PUS7: variants seen among roughly 807,000 people sequenced by gnomAD.
The protein encoded by PUS7 is pseudouridylate synthase 7 homolog.
A neutral mutation model predicts 79.8 loss-of-function variants in PUS7; 48 were observed. That is an observed-to-expected ratio of 0.60 (90% CI 0.48 to 0.76). The LOEUF (loss-of-function observed/expected upper bound fraction) is 0.76, where lower values mean the gene tolerates loss of function less well. PUS7 is among the 30% of genes least tolerant of loss of function. The probability of loss-of-function intolerance (pLI) is 0.00; values close to 1 mark genes in which losing one functional copy is unlikely to be tolerated. For missense variants in PUS7, 729 were observed against 797.6 expected, an observed-to-expected ratio of 0.91 and a Z score of 1.04; for synonymous variants, 286 against 272.2, an observed-to-expected ratio of 1.05 and a Z score of -0.50.
intron 5 of PUS7, among the ~76,000 whole-genome samples, chr7:105,501,782 C>T (rs1158121759): frequency 2.0e-5 from 3 of 151,866 alleles, no homozygotes; most frequent in East Asian, 1.9e-4. Context: ...GGTGAAACCC[C>T]GTCTCTACTA....
At chr7:105,485,731 ATGTATC>A (rs1489179085) in intron 7 of PUS7, among the ~76,000 whole-genome samples, 1 of 152,228 alleles carries the variant, frequency 6.6e-6, no homozygotes, top group Non-Finnish European at 1.5e-5. Flanking sequence ...AAATCCTTGG[ATGTATC>A]TGGGTCTAGG....
At position 105,522,191 on chromosome 7, in the gene PUS7, G is replaced by C. The variant is rs151235380; in HGVS notation, c.-172C>G. The C allele has an allele frequency of 0.14, 20,823 of 152,022 alleles. 1,842 individuals are homozygous for C. Among genetic ancestry groups the C allele is most frequent in the South Asian group, 0.26 (1,245 of 4,830 alleles). The allele number at this position is 152,022 out of a possible 1,614,324, so 9.4% of individuals were successfully genotyped here. On this transcript the variant is annotated 5_prime_UTR_variant, in exon 1 of 16. Transcript: ENST00000469408. ...CAGGCAAAAGCAGCGCTTTCCGCGC[G>C]GAGGACCAGATGCGCTCCAGCCGAC...
chr7:105,502,703 CTTTTAT>C, intron 4 of PUS7, 139 bp from the exon 5 acceptor site: 7 of 1,000,080 alleles, frequency 7.0e-6, no homozygotes, highest in Non-Finnish European at 1.0e-5. Flanking sequence ...TTTCAAAAAT[CTTTTAT>C]TTTTATTTTT....
rs1461672772 is a variant in PUS7, at chr7:105,482,411, T to C, written c.950A>G (p.Asn317Ser). Reference protein sequence around the residue: ...KITAQRLAHLNKCLMNFKLGN... With the variant: ...KITAQRLAHLSKCLMNFKLGN... ...TAGCTTAAAGTTCATCAAGCACTTA[T>C]TCAGGTGGGCAAGTCTTTGTGCAGT... The change falls in exon 8 of 16, where the codon AAT (asparagine) becomes AGT (serine). Residue 317 changes from asparagine to serine, a missense_variant. Coordinates refer to ENST00000469408, the MANE Select transcript of PUS7 (RefSeq NM_019042.5). 14 of 1,611,598 alleles carry C rather than the reference T, an allele frequency of 8.7e-6. No individual in the cohort carries two copies. Among genetic ancestry groups the C allele is most frequent in the Non-Finnish European group, 1.2e-5 (14 of 1,179,046 alleles).
rs181914763 is a variant in PUS7, at chr7:105,468,541, G to A, written c.1399-78C>T. On this transcript the variant is annotated intron_variant, in intron 11 of 15. Coordinates refer to ENST00000469408, the MANE Select transcript of PUS7 (RefSeq NM_019042.5). ...GCTGTACTTTTTTTTTTTTTGAGAT[G>A]GGGTCTTGCTCTCTTGCCCAGGCTG... 684 of 1,293,150 alleles carry A rather than the reference G, an allele frequency of 5.3e-4. 7 individuals are homozygous for A. In the African/African-American group the frequency reaches 9.6e-3, roughly 18 times the overall value. The allele number at this position is 1,293,150 out of a possible 1,614,324, so 80.1% of individuals were successfully genotyped here.
chr7:105,513,940 C>T (rs1224574550), intron 1 of PUS7, among the ~76,000 whole-genome samples: 2 of 138,006 alleles, frequency 1.4e-5, no homozygotes, highest in Non-Finnish European at 3.2e-5. Context: ...TGGCTGGGCG[C>T]GGTGGCTCAC....
chr7:105,520,565 T>C (rs143327743), intron 1 of PUS7, among the ~76,000 whole-genome samples: 20,159 of 134,686 alleles, frequency 0.15, 1,783 homozygotes, highest in South Asian at 0.27. Context: ...TAAATAAAAA[T>C]ACAAAAATTA....
At chr7:105,481,221 A>T in intron 8 of PUS7, 44 bp from the exon 9 acceptor site, 1 of 1,570,220 alleles carries the variant, frequency 6.4e-7, no homozygotes, top group Non-Finnish European at 8.6e-7. Context: ...GTTACAGTCA[A>T]ATACTCAGGG....
intron 4 of PUS7, among the ~76,000 whole-genome samples, chr7:105,503,786 C>T (rs1477639402): frequency 6.6e-6 from 1 of 152,044 alleles, no homozygotes; most frequent in Non-Finnish European, 1.5e-5. Flanking sequence ...GCATGTGCCT[C>T]CATGCCCAGC....
At chr7:105,482,278 C>A (rs1586125970) in intron 8 of PUS7, 34 bp downstream of exon 8, 2 of 1,604,766 alleles carry the variant, frequency 1.2e-6, no homozygotes, top group South Asian at 2.2e-5. Flanking sequence ...CTGGCCAGAC[C>A]CTCTGGTCTA....
intron 9 of PUS7, among the ~76,000 whole-genome samples, chr7:105,478,975 A>G (rs780528181): frequency 1.2e-4 from 17 of 146,698 alleles, no homozygotes; most frequent in Non-Finnish European, 2.3e-4. Flanking sequence ...CTTCTGCCAA[A>G]TTAATTACAA....
chr7:105,479,386 C>A (rs1824228315), intron 9 of PUS7, among the ~76,000 whole-genome samples: 1 of 152,186 alleles, frequency 6.6e-6, no homozygotes, highest in South Asian at 2.1e-4. Flanking sequence ...TAAAGCCAAG[C>A]AATTGATGAG....
intron 9 of PUS7, among the ~76,000 whole-genome samples, chr7:105,478,191 C>T (rs771572669): frequency 6.6e-6 from 1 of 152,176 alleles, no homozygotes; most frequent in Non-Finnish European, 1.5e-5. Context: ...TAATATTCCA[C>T]TGTATATTAT....
chr7:105,457,105 A>AT lies in PUS7; in HGVS notation c.*684_*685insA, dbSNP rs1251705678. On this transcript the variant is annotated 3_prime_UTR_variant, in exon 16 of 16. Transcript: ENST00000469408. ...ATTGAGAATTGCAGGATTGCACTGCAATCCAGCCTGTGCTACAGAGTGAGA... is the reference window on the plus strand; with the variant it reads ...ATTGAGAATTGCAGGATTGCACTGCATATCCAGCCTGTGCTACAGAGTGAGA... 6.6e-6 allele frequency: 1 copy of AT among 152,152 alleles called. No homozygotes were observed. Among genetic ancestry groups the AT allele is most frequent in the East Asian group, 1.9e-4 (1 of 5,204 alleles). 9.4% of individuals were successfully genotyped at this position (152,152 alleles called of 1,614,324 possible). A position where few individuals can be genotyped will look rare whatever the true frequency, so the allele number is the denominator to read the frequency against.
At chr7:105,466,975 A>G (rs548393502) in intron 12 of PUS7, among the ~76,000 whole-genome samples, 30 of 148,242 alleles carry the variant, frequency 2.0e-4, no homozygotes, top group Non-Finnish European at 3.4e-4. Flanking sequence ...GTAGCCTAGT[A>G]TGCCAGAGAC....
chr7:105,481,945 T>C (rs551294182), intron 8 of PUS7, among the ~76,000 whole-genome samples: 44 of 152,318 alleles, frequency 2.9e-4, no homozygotes, highest in African/African-American at 1.0e-3. Context: ...TTAGCCAGGA[T>C]GGTCTCGATC....
chr7:105,497,910 T>C (rs1180584985), intron 5 of PUS7, among the ~76,000 whole-genome samples: 1 of 152,224 alleles, frequency 6.6e-6, no homozygotes, highest in Non-Finnish European at 1.5e-5. Context: ...ATGTCCATAA[T>C]AAAAACTTTA....
intron 3 of PUS7, 29 bp from the exon 4 acceptor site, chr7:105,506,085 G>GA (rs768237832): frequency 5.0e-6 from 8 of 1,587,520 alleles, no homozygotes; most frequent in Non-Finnish European, 6.9e-6. Flanking sequence ...AACTCACAAT[G>GA]AATCATACAT....
At chr7:105,511,451 A>G (rs1825698534) in intron 1 of PUS7, among the ~76,000 whole-genome samples, 2 of 151,956 alleles carry the variant, frequency 1.3e-5, no homozygotes, top group African/African-American at 4.8e-5. Flanking sequence ...TTAAAAAAAA[A>G]AAAAAAAAGT....
Sources: gnomAD v4.1 joint callset for allele counts (sites outside exome capture counted in the v4.1 genomes callset) on GRCh38, gnomAD v4.1.1 for gene constraint, MANE v1.5 for transcripts, NCBI Gene and HGNC (gene_info 2026-07-23, HGNC 2026-07-21) for gene names.